Variants in MROH9 observed in about 807,000 individuals in gnomAD.
MROH9 encodes the protein maestro heat like repeat family member 9.
MROH9 carries 92 observed loss-of-function variants against 98.2 expected under a neutral mutation model. The ratio of observed to expected loss-of-function variants is 0.94; its 90% CI spans 0.79 to 1.11. The LOEUF (loss-of-function observed/expected upper bound fraction) is 1.11, where lower values mean the gene tolerates loss of function less well. MROH9 is among the 50% of genes most tolerant of loss of function. The pLI is 0.00. For missense variants in MROH9, 1,057 were observed against 1,014.8 expected (o/e 1.04, Z -0.57); for synonymous variants, 397 against 368.9 (o/e 1.08, Z -0.87).
intron 14 of MROH9, among the ~76,000 whole-genome samples, chr1:170,997,782 A>C (rs1244690120): frequency 6.6e-6 from 1 of 152,120 alleles, no homozygotes; most frequent in Non-Finnish European, 1.5e-5. Flanking sequence ...TCAAAGGAAG[A>C]GCTTGGTCCA....
At chr1:171,028,442 G>T (rs1194919795) in intron 20 of MROH9, among the ~76,000 whole-genome samples, 4 of 152,176 alleles carry the variant, frequency 2.6e-5, no homozygotes, top group Admixed American at 6.5e-5. Context: ...TTGTGGTATA[G>T]TTTGAAGCCA....
At chr1:170,971,670 A>G in intron 7 of MROH9, 78 bp from the exon 8 acceptor site, 1 of 1,479,444 alleles carries the variant, frequency 6.8e-7, no homozygotes, top group East Asian at 2.3e-5. Flanking sequence ...TCTGATTTAT[A>G]ACAGGATCAG....
At chr1:171,030,911 G>A (rs1027448582) in intron 20 of MROH9, among the ~76,000 whole-genome samples, 4 of 152,168 alleles carry the variant, frequency 2.6e-5, no homozygotes, top group Non-Finnish European at 5.9e-5. Context: ...TTATTGTGTG[G>A]AAGTCTAAGT....
intron 3 of MROH9, among the ~76,000 whole-genome samples, chr1:170,954,098 GTCTTTA>G (rs920039032): frequency 6.6e-6 from 1 of 151,920 alleles, no homozygotes; most frequent in African/African-American, 2.4e-5. Context: ...TTCTGTAGAA[GTCTTTA>G]TCTTTATTTT....
In MROH9 at chr1:171,006,216, G is replaced by GT. The variant is rs143919013; in HGVS notation, c.1597-7893dup. 1.6e-3 allele frequency among the ~76,000 whole-genome samples: 237 copies of GT among 151,784 alleles called. No individual in the cohort carries two copies. The South Asian group carries it at 0.017, about 11-fold the overall frequency. On this transcript the variant is annotated intron_variant, in intron 15 of 21. Coordinates refer to ENST00000367759, the MANE Select transcript of MROH9 (RefSeq NM_001163629.2). ...CAGGTATAGTATTCTTGGTTGTCAG[G>GT]TTTTTTTTCTTTCAGCACTTTGAAT...
At position 170,995,409 on chromosome 1, in the gene MROH9, C is replaced by A. The variant is rs1651528930; in HGVS notation, c.1215C>A (p.Thr405=). The change falls in exon 13 of 22, where the codon ACC becomes ACA. Residue 405 remains threonine, a synonymous_variant. Coordinates refer to ENST00000367759, the MANE Select transcript of MROH9 (RefSeq NM_001163629.2). The part of the protein sequence containing the change: ...MPLAACQALC[T]FLPLGSYRKA... ...TATAGGCATGCCAGGCCCTGTGCAC[C>A]TTTCTGCCTCTTGGTTCCTACAGGA... 1 of 1,613,348 alleles carries A rather than the reference C, an allele frequency of 6.2e-7. No individual in the cohort carries two copies. Among genetic ancestry groups the A allele is most frequent in the Non-Finnish European group, 8.5e-7 (1 of 1,179,540 alleles).
intron 7 of MROH9, among the ~76,000 whole-genome samples, chr1:170,967,443 C>G (rs184586381): frequency 1.1e-4 from 16 of 152,264 alleles, no homozygotes; most frequent in African/African-American, 3.1e-4. Flanking sequence ...ACACTGTTGA[C>G]AAATTAAAAT....
chr1:170,987,402 T>A (rs1168767893), intron 10 of MROH9, among the ~76,000 whole-genome samples: 1 of 152,224 alleles, frequency 6.6e-6, no homozygotes, highest in Non-Finnish European at 1.5e-5. Context: ...TGGGGCTCAG[T>A]GCACAACGAA....
intron 20 of MROH9, among the ~76,000 whole-genome samples, chr1:171,044,864 G>A (rs970616109): frequency 6.7e-6 from 1 of 149,158 alleles, no homozygotes; most frequent in Non-Finnish European, 1.5e-5. Context: ...TCTTAGTCTG[G>A]CTAAAGGTAT....
In MROH9 at chr1:170,986,631, C is replaced by A. The variant is rs565238702; in HGVS notation, c.800C>A (p.Ser267Ter). The change falls in exon 10 of 22, where the codon TCA (serine) becomes TAA (stop). Residue 267 changes from serine to a stop codon, truncating the protein, a stop_gained. Transcript: ENST00000367759. LOFTEE classifies it high-confidence loss of function. ...FVQSLLMKLS[S>*]PDDKIASDAA... ...CAGAGTCTCCTGATGAAACTCTCTTCACCTGATGATAAAATCGCATCTGAT... is the reference window on the plus strand; with the variant it reads ...CAGAGTCTCCTGATGAAACTCTCTTAACCTGATGATAAAATCGCATCTGAT... 3 of 1,613,898 alleles carry A rather than the reference C, an allele frequency of 1.9e-6. No homozygotes were observed. Among genetic ancestry groups the A allele is most frequent in the Non-Finnish European group, 1.7e-6 (2 of 1,179,924 alleles).
chr1:171,048,655 G>C (rs984157577), intron 20 of MROH9, among the ~76,000 whole-genome samples: 10 of 152,058 alleles, frequency 6.6e-5, no homozygotes, highest in Non-Finnish European at 1.0e-4. Flanking sequence ...AACTGTGCTG[G>C]GATCTAAGGT....
chr1:170,971,704 G>A, intron 7 of MROH9, 44 bp from the exon 8 acceptor site: 3 of 1,601,298 alleles, frequency 1.9e-6, no homozygotes, highest in Non-Finnish European at 2.6e-6. Context: ...TTTTCATATT[G>A]GCTATGCATA....
intron 5 of MROH9, among the ~76,000 whole-genome samples, chr1:170,961,394 A>G (rs1209512145): frequency 6.6e-6 from 1 of 152,224 alleles, no homozygotes; most frequent in African/African-American, 2.4e-5. Context: ...AGCCAGGGCT[A>G]TGTTCTTTTT....
At chr1:171,031,778 T>C (rs1430395191) in intron 20 of MROH9, among the ~76,000 whole-genome samples, 1 of 152,096 alleles carries the variant, frequency 6.6e-6, no homozygotes, top group African/African-American at 2.4e-5. Flanking sequence ...TCTCATGGAG[T>C]ATCTTAGTGG....
Position 171,044,144 on chromosome 1 carries a change from C to T in MROH9, c.2282-17988C>T, listed in dbSNP as rs117290192. Among the ~76,000 whole-genome samples the T allele has an allele frequency of 1.4e-4, 22 of 152,126 alleles. No individual in the cohort carries two copies. The East Asian group carries it at 4.3e-3, about 29-fold the overall frequency. On this transcript the variant is annotated intron_variant, in intron 20 of 21. Coordinates refer to ENST00000367759, the MANE Select transcript of MROH9 (RefSeq NM_001163629.2). ...TTTATTATGTTGATGTATATTCCAT[C>T]TATGCAGTTTTTTAAGGGTTTTTAT... is the stretch of plus-strand genomic sequence containing the variant.
intron 1 of MROH9, 127 bp from the exon 2 acceptor site, chr1:170,945,393 A>G: frequency 3.2e-6 from 2 of 627,142 alleles, no homozygotes; most frequent in Non-Finnish European, 5.7e-6. Flanking sequence ...TGATAAATTG[A>G]TGCACAGCTA....
intron 20 of MROH9, among the ~76,000 whole-genome samples, chr1:171,053,130 G>T (rs1052558070): frequency 2.0e-5 from 3 of 152,152 alleles, no homozygotes; most frequent in Admixed American, 6.5e-5. Context: ...CAGCAAGAAA[G>T]ATCCCAATTT....
At chr1:170,992,853 T>TA in intron 12 of MROH9, among the ~76,000 whole-genome samples, 1 of 152,106 alleles carries the variant, frequency 6.6e-6, no homozygotes, top group African/African-American at 2.4e-5. Context: ...ATGAGAGAAG[T>TA]AACCACTGGC....
intron 20 of MROH9, among the ~76,000 whole-genome samples, chr1:171,032,176 T>G (rs1347376380): frequency 1.3e-5 from 2 of 152,218 alleles, no homozygotes; most frequent in Non-Finnish European, 2.9e-5. Context: ...TAGCAGCTCC[T>G]ATAACCTTTT....
Sources: gnomAD v4.1 joint callset for allele counts (sites outside exome capture counted in the v4.1 genomes callset) on GRCh38, gnomAD v4.1.1 for gene constraint, MANE v1.5 for transcripts, NCBI Gene and HGNC (gene_info 2026-07-23, HGNC 2026-07-21) for gene names.